CARD10: variants seen among roughly 807,000 people sequenced by gnomAD.
CARD10 encodes the protein caspase recruitment domain family member 10, also known as caspase recruitment domain-containing protein 10.
In CARD10, 49 loss-of-function variants were observed where a neutral mutation model predicts 114.6. The ratio of observed to expected loss-of-function variants is 0.43; its 90% confidence interval spans 0.34 to 0.54. The LOEUF (loss-of-function observed/expected upper bound fraction) is 0.54, where lower values mean the gene tolerates loss of function less well. Among genes scored for constraint, CARD10 ranks in the 20% least tolerant of loss-of-function variants. The probability of loss-of-function intolerance (pLI) is 0.03; values close to 1 mark genes in which losing one functional copy is unlikely to be tolerated. For synonymous variants in CARD10, 602 were observed against 593.2 expected (o/e 1.01, Z -0.21); for missense variants, 1,206 against 1,397.2 (o/e 0.86, Z 2.18).
intron 16 of CARD10, among the ~76,000 whole-genome samples, chr22:37,493,612 C>A (rs1442457843): frequency 6.6e-6 from 1 of 152,104 alleles, no homozygotes; most frequent in African/African-American, 2.4e-5. Context: ...AAGGCCCCCG[C>A]GGAAACTCCC....
Position 37,496,529 on chromosome 22 carries a change from G to A in CARD10, c.1979C>T (p.Ala660Val), listed in dbSNP as rs577751588. The change falls in exon 13 of 20, where the codon GCG (alanine) becomes GTG (valine). Residue 660 changes from alanine (A) to valine (V), a missense_variant. This residue lies in a region of CARD10 where 1,068 missense variants were observed against 1,179.1 expected (regional missense o/e 0.91). Coordinates refer to ENST00000251973, the MANE Select transcript of CARD10 (RefSeq NM_014550.4). The surrounding 1 kb of genome is among the most constrained non-coding windows in gnomAD (Gnocchi z 4.1). ...CTGCTGGGCCTCGGCTTCCAGGCAC[G>A]CCCCCTCCAGACCAGCAGCTTCCAC... ...QRVEAAGLEG[A>V]CLEAEAQQRT... 9.9e-6 allele frequency: 16 copies of A among 1,613,496 alleles called. No homozygotes were observed. Among genetic ancestry groups the A allele is most frequent in the South Asian group, 7.7e-5 (7 of 91,054 alleles).
chr22:37,498,959 G>A (rs1923113293), intron 11 of CARD10, among the ~76,000 whole-genome samples: 1 of 151,874 alleles, frequency 6.6e-6, no homozygotes, highest in South Asian at 2.1e-4. Flanking sequence ...GGAAACCAGA[G>A]GACTCTGGGG....
In CARD10 at chr22:37,507,853, C is replaced by T; in HGVS notation, c.1167G>A (p.Glu389=). 1 of 1,614,224 alleles carries T rather than the reference C, an allele frequency of 6.2e-7. No homozygotes were observed. The highest frequency in any genetic ancestry group is 8.5e-7 in the Non-Finnish European group (1 of 1,180,024). ...HRMATVLAQL[E]EIEKERDQAI... ...CCTGGTCTCGCTCCTTCTCAATCTC[C>T]TCCAGTTGGGCCAGGACAGTGGCCA... The change falls in exon 6 of 20, where the codon GAG becomes GAA. Residue 389 remains glutamate (E), a synonymous_variant. Coordinates refer to ENST00000251973, the MANE Select transcript of CARD10 (RefSeq NM_014550.4).
chr22:37,509,238 C>A, intron 4 of CARD10: 1 of 1,141,862 alleles, frequency 8.8e-7, no homozygotes, highest in Middle Eastern at 3.1e-4. Flanking sequence ...TGCTGACCTG[C>A]CACTGACCTG....
In CARD10 at chr22:37,504,285, CTGT is replaced by C; in HGVS notation, c.1532_1534del (p.Asp511_Ser512delinsGly). 1 of 1,549,376 alleles carries C rather than the reference CTGT, an allele frequency of 6.5e-7. No individual in the cohort carries two copies. The highest frequency in any genetic ancestry group is 8.7e-7 in the Non-Finnish European group (1 of 1,144,022). On this transcript the variant is annotated inframe_deletion, in exon 9 of 20. Transcript: ENST00000251973. ...GGAGAGCCGATTGATCTCCTTTTCA[CTGT>C]CTGTGGCTTCCTCCTGCAATGCCAT...
At chr22:37,504,392 A>G in intron 8 of CARD10, 91 bp from the exon 9 acceptor site, 1 of 1,127,146 alleles carries the variant, frequency 8.9e-7, no homozygotes, top group South Asian at 1.7e-5. Flanking sequence ...TCCACAAATG[A>G]GAAGTAGGGC....
intron 3 of CARD10, among the ~76,000 whole-genome samples, chr22:37,513,798 A>G (rs1001911777): frequency 1.3e-5 from 2 of 152,100 alleles, no homozygotes; most frequent in African/African-American, 2.4e-5. Flanking sequence ...CTGAGAGCCA[A>G]CTCAGAAATC....
Position 37,496,963 on chromosome 22 carries a change from C to A in CARD10, c.1947+56G>T. 3 of 1,520,606 alleles carry A rather than the reference C, an allele frequency of 2.0e-6. No homozygotes were observed. The highest frequency in any genetic ancestry group is 2.6e-6 in the Non-Finnish European group (3 of 1,134,376). The allele number at this position is 1,520,606 out of a possible 1,614,324, so 94.2% of individuals were successfully genotyped here. ...CTTGATCCACCAAATTAAGGGATGT[C>A]CAGCCTGGGCAAAAGCACTGACCCT... On this transcript the variant is annotated intron_variant, in intron 12 of 19. Coordinates refer to ENST00000251973, the MANE Select transcript of CARD10 (RefSeq NM_014550.4). This position sits in a 1 kb window ranked among gnomAD's most constrained non-coding sequence, Gnocchi z 4.1.
In CARD10 at chr22:37,496,971, G is replaced by A. The variant is rs546850766; in HGVS notation, c.1947+48C>T. On this transcript the variant is annotated intron_variant, in intron 12 of 19. Coordinates refer to ENST00000251973, the MANE Select transcript of CARD10 (RefSeq NM_014550.4). This position sits in a 1 kb window ranked among gnomAD's most constrained non-coding sequence, Gnocchi z 4.1. ...ACCAAATTAAGGGATGTCCAGCCTG[G>A]GCAAAAGCACTGACCCTACCCCCCC... 4 of 1,533,492 alleles carry A rather than the reference G, an allele frequency of 2.6e-6. No homozygotes were observed. Among genetic ancestry groups the A allele is most frequent in the African/African-American group, 2.8e-5 (2 of 72,278 alleles). 95.0% of individuals were successfully genotyped at this position (1,533,492 alleles called of 1,614,324 possible).
intron 3 of CARD10, 87 bp downstream of exon 3, chr22:37,515,886 G>A (rs2145776910): frequency 9.4e-7 from 1 of 1,068,914 alleles, no homozygotes; most frequent in Non-Finnish European, 1.3e-6. Context: ...GCCAGCAATG[G>A]TGGCTCTGGG....
chr22:37,499,965 G>C (rs1923153620), intron 11 of CARD10, among the ~76,000 whole-genome samples: 1 of 152,108 alleles, frequency 6.6e-6, no homozygotes, highest in South Asian at 2.1e-4. Flanking sequence ...CCCCAGTCAG[G>C]TCAGGTCACA....
intron 3 of CARD10, among the ~76,000 whole-genome samples, chr22:37,511,122 A>C (rs1923624968): frequency 6.7e-6 from 1 of 150,030 alleles, no homozygotes; most frequent in Non-Finnish European, 1.5e-5. Context: ...AACCAGGCCT[A>C]ACACTTTAGA....
At chr22:37,516,579 A>G (rs1475711187) in intron 2 of CARD10, among the ~76,000 whole-genome samples, 1 of 152,234 alleles carries the variant, frequency 6.6e-6, no homozygotes, top group Non-Finnish European at 1.5e-5. Context: ...ATATAACAAG[A>G]ACTCAGAGCC....
rs776687884 is a variant in CARD10, at chr22:37,507,872, G to A, written c.1148C>T (p.Thr383Ile). 2 of 1,614,086 alleles carry A rather than the reference G, an allele frequency of 1.2e-6. No homozygotes were observed. The highest frequency in any genetic ancestry group is 1.7e-6 in the Non-Finnish European group (2 of 1,180,008). Residue 383 changes from threonine (T) to isoleucine (I), a missense_variant, in exon 6 of 20, where the codon ACT becomes ATT. Physicochemically the swap from Thr to Ile is moderately conservative, Grantham distance 89. Transcript: ENST00000251973. ...DCDLYKHRMA[T>I]VLAQLEEIEK... ...AATCTCCTCCAGTTGGGCCAGGACA[G>A]TGGCCATGCGGTGCTTGTACAGGTC...
In CARD10 at chr22:37,491,312, C is replaced by G. The variant is rs749467683; in HGVS notation, c.2946G>C (p.Leu982=). The G allele has an allele frequency of 1.1e-5, 17 of 1,563,530 alleles. No individual in the cohort carries two copies. The South Asian group carries it at 2.0e-4, about 18-fold the overall frequency. Residue 982 remains leucine (L), a synonymous_variant, in exon 20 of 20, where the codon CTG becomes CTC. Transcript: ENST00000251973. ...CGGGCACCTGCACCCAGGAGCAGGG[C>G]AGCCCCCAGAGCACCTGCTCTGAGC... ...CRGSEQVLWG[L]PCSWVQVPAH... is the part of the protein sequence containing the mutation.
rs905995868 is a variant in CARD10, at chr22:37,502,507, T to A, written c.1787+95A>T. On this transcript the variant is annotated intron_variant, in intron 11 of 19. Coordinates refer to ENST00000251973, the MANE Select transcript of CARD10 (RefSeq NM_014550.4). ...AGATCTTAATCTTCCAATAGTTGCA[T>A]AAAACAGGGGCGAGGCAATTGCTCC... is the stretch of plus-strand genomic sequence containing the variant. The A allele has an allele frequency of 5.0e-6, 7 of 1,392,084 alleles. No homozygotes were observed. The African/African-American group carries it at 1.0e-4, about 20-fold the overall frequency. 86.2% of individuals were successfully genotyped at this position (1,392,084 alleles called of 1,614,324 possible).
intron 11 of CARD10, among the ~76,000 whole-genome samples, chr22:37,498,963 T>G (rs1210839019): frequency 6.6e-6 from 1 of 151,076 alleles, no homozygotes; most frequent in South Asian, 2.1e-4. Flanking sequence ...ACCAGAGGAC[T>G]CTGGGGCCTC....
chr22:37,495,700 C>A, intron 14 of CARD10, 60 bp downstream of exon 14: 1 of 1,610,946 alleles, frequency 6.2e-7, no homozygotes, highest in Non-Finnish European at 8.5e-7. Context: ...AGGGAGAGCA[C>A]CCCCATCTGA....
chr22:37,503,062 G>A (rs1043009404), intron 10 of CARD10, 123 bp downstream of exon 10: 11 of 1,112,842 alleles, frequency 9.9e-6, no homozygotes, highest in African/African-American at 9.4e-5. Flanking sequence ...CAGGGGCCAC[G>A]GCGGGGCTTC....
Sources: allele counts gnomAD v4.1 joint callset (sites outside exome capture counted in the v4.1 genomes callset), GRCh38; gene constraint gnomAD v4.1.1; regional missense constraint gnomAD v4.1.1; non-coding constraint Gnocchi (gnomAD v3.1); transcripts MANE v1.5; gene names NCBI Gene and HGNC (gene_info 2026-07-23, HGNC 2026-07-21).